Variants in STOM observed in about 807,000 individuals in gnomAD.
STOM encodes the protein erythrocyte band 7 integral membrane protein.
STOM carries 25 observed loss-of-function variants against 30.6 expected under a neutral mutation model. The ratio of observed to expected loss-of-function variants is 0.82; its 90% confidence interval spans 0.60 to 1.14. The LOEUF is 1.14. Among genes scored for constraint, STOM ranks in the 50% most tolerant of loss-of-function variants. The probability of loss-of-function intolerance (pLI) is 0.00; values close to 1 mark genes in which losing one functional copy is unlikely to be tolerated. For synonymous variants in STOM, 118 were observed against 130.8 expected (o/e 0.90, Z 0.67); for missense variants, 292 against 365.2 (o/e 0.80, Z 1.63).
chr9:121,349,195 A>C lies in STOM; in HGVS notation c.450T>G (p.Thr150=). The C allele has an allele frequency of 6.2e-7, 1 of 1,614,192 alleles. No homozygotes were observed. Residue 150 remains threonine, a synonymous_variant, in exon 5 of 7, where the codon ACT becomes ACG. Transcript: ENST00000286713. ...DSATRLLAQT[T]LRNVLGTKNL... ...TCTTGGTGCCCAGAACATTCCTCAG[A>C]GTAGTTTGTGCCAAAAGACGGGTTG...
Position 121,340,698 on chromosome 9 carries a change from C to T in STOM, c.*504G>A, listed in dbSNP as rs2064238107. On this transcript the variant is annotated 3_prime_UTR_variant, in exon 7 of 7. Coordinates refer to ENST00000286713, the MANE Select transcript of STOM (RefSeq NM_004099.6). ...CCAGGAGGCGGAGGTTGCAGTGAGC[C>T]GAGATCATGCTATTGCACTCCAGCC... 2 of 953,552 alleles carry T rather than the reference C, an allele frequency of 2.1e-6. No individual in the cohort carries two copies. Among genetic ancestry groups the T allele is most frequent in the Non-Finnish European group, 2.5e-6 (2 of 800,862 alleles). The allele number at this position is 953,552 out of a possible 1,614,324, so 59.1% of individuals were successfully genotyped here.
intron 1 of STOM, among the ~76,000 whole-genome samples, chr9:121,365,716 T>C (rs1002187621): frequency 2.0e-5 from 3 of 152,082 alleles, no homozygotes; most frequent in African/African-American, 7.2e-5. Context: ...TTCTTATCAG[T>C]AAAATGGGGA....
chr9:121,356,978 G>C (rs1283886901), intron 1 of STOM, among the ~76,000 whole-genome samples: 1 of 151,906 alleles, frequency 6.6e-6, no homozygotes, highest in African/African-American at 2.4e-5. Flanking sequence ...GGAAGAATCT[G>C]TCAAAAGAAA....
intron 5 of STOM, among the ~76,000 whole-genome samples, chr9:121,348,549 G>A (rs557978859): frequency 7.2e-5 from 11 of 152,330 alleles, no homozygotes; most frequent in Non-Finnish European, 1.5e-4. Flanking sequence ...ATGTGACTCT[G>A]TGTAAGTCAT....
At position 121,370,191 on chromosome 9, in the gene STOM, G is replaced by A. The variant is rs2064552320; in HGVS notation, c.-4C>T. ...GTGTGTGCCGCTTCTCGGCCATGCTGCCCGAGACGCAGTCGCACTCCCCCG... is the reference window on the plus strand; with the variant it reads ...GTGTGTGCCGCTTCTCGGCCATGCTACCCGAGACGCAGTCGCACTCCCCCG... On this transcript the variant is annotated 5_prime_UTR_variant, in exon 1 of 7. Transcript: ENST00000286713. 1.9e-6 allele frequency: 3 copies of A among 1,547,032 alleles called. No individual in the cohort carries two copies. Among genetic ancestry groups the A allele is most frequent in the African/African-American group, 1.4e-5 (1 of 73,006 alleles).
chr9:121,353,161 G>T, intron 4 of STOM, 59 bp downstream of exon 4: 1 of 910,810 alleles, frequency 1.1e-6, no homozygotes, highest in Non-Finnish European at 1.7e-6. Flanking sequence ...TAACTATTCT[G>T]TCCCTCATTG....
chr9:121,352,613 CACTT>C (rs1458363342), intron 4 of STOM, among the ~76,000 whole-genome samples: 25 of 152,312 alleles, frequency 1.6e-4, no homozygotes, highest in Admixed American at 1.1e-3. Flanking sequence ...ACTTATATAG[CACTT>C]ACTATTTGTC....
Position 121,347,997 on chromosome 9 carries a change from G to A in STOM, c.660+18C>T. 1 of 1,587,556 alleles carries A rather than the reference G, an allele frequency of 6.3e-7. No individual in the cohort carries two copies. The highest frequency in any genetic ancestry group is 2.2e-5 in the East Asian group (1 of 44,644). ...AGAGAAAACTCAGTAAGAAAAACAA[G>A]TTTAAAAAAAAAGTTACCTTGGCGC... On this transcript the variant is annotated intron_variant, in intron 6 of 6. Coordinates refer to ENST00000286713, the MANE Select transcript of STOM (RefSeq NM_004099.6).
At chr9:121,357,424 G>GACATATATATATATATATATATAT in intron 1 of STOM, among the ~76,000 whole-genome samples, 1 of 95,428 alleles carries the variant, frequency 1.0e-5, no homozygotes, top group Non-Finnish European at 2.3e-5. Context: ...ATTTTTAAAT[G>GACATATATATATATATATATATAT]ATATATATAT....
Position 121,339,975 on chromosome 9 carries a change from C to G in STOM, c.*1227G>C. The G allele has an allele frequency of 9.9e-7, 1 of 1,010,560 alleles. No homozygotes were observed. The highest frequency in any genetic ancestry group is 1.2e-6 in the Non-Finnish European group (1 of 847,040). The allele number at this position is 1,010,560 out of a possible 1,614,324, so 62.6% of individuals were successfully genotyped here. The stretch of plus-strand genomic sequence containing the variant: ...ATATTTCACAGTGTACCACAGTTAA[C>G]AGCATGCAGATAGTAAAATATAATG... On this transcript the variant is annotated 3_prime_UTR_variant, in exon 7 of 7. Transcript: ENST00000286713.
At chr9:121,351,752 CT>C (rs1196327523) in intron 4 of STOM, among the ~76,000 whole-genome samples, 2 of 152,202 alleles carry the variant, frequency 1.3e-5, no homozygotes, top group Non-Finnish European at 2.9e-5. Context: ...GGAGGAATTC[CT>C]TTGTTTCACT....
Position 121,339,706 on chromosome 9 carries a change from G to T in STOM, c.*1496C>A. ...GAATGCCAGGTTGCTCAGATTCACA[G>T]ACATTTGCAAAACAGAAGATGTCTC... On this transcript the variant is annotated 3_prime_UTR_variant, in exon 7 of 7. Coordinates refer to ENST00000286713, the MANE Select transcript of STOM (RefSeq NM_004099.6). 8.1e-7 allele frequency: 1 copy of T among 1,231,312 alleles called. No individual in the cohort carries two copies. Among genetic ancestry groups the T allele is most frequent in the South Asian group, 4.1e-5 (1 of 24,224 alleles). The allele number at this position is 1,231,312 out of a possible 1,614,324, so 76.3% of individuals were successfully genotyped here. A position where few individuals can be genotyped will look rare whatever the true frequency, so the allele number is the denominator to read the frequency against.
chr9:121,344,628 A>G (rs1469664368), intron 6 of STOM, among the ~76,000 whole-genome samples: 2 of 152,232 alleles, frequency 1.3e-5, no homozygotes, highest in African/African-American at 4.8e-5. Flanking sequence ...CATAGCAATC[A>G]ACATTTCATA....
intron 1 of STOM, among the ~76,000 whole-genome samples, chr9:121,358,669 T>C (rs1007706988): frequency 2.0e-5 from 3 of 152,200 alleles, no homozygotes; most frequent in Non-Finnish European, 4.4e-5. Context: ...AATTTGTAAG[T>C]GCAATTTAAA....
intron 1 of STOM, among the ~76,000 whole-genome samples, chr9:121,361,208 C>A (rs975461124): frequency 1.3e-5 from 2 of 151,984 alleles, no homozygotes; most frequent in Non-Finnish European, 2.9e-5. Flanking sequence ...ATAAATGAAC[C>A]CTTAGTCATC....
chr9:121,354,582 C>A lies in STOM; in HGVS notation c.238+19G>T. Reference sequence around the variant, plus strand: ...GAACTTTAGTTTTCAGATAAACAATCTAGAATCCCAGTACTGACCAGGTCC... The same window carrying A: ...GAACTTTAGTTTTCAGATAAACAATATAGAATCCCAGTACTGACCAGGTCC... On this transcript the variant is annotated intron_variant, in intron 3 of 6. Coordinates refer to ENST00000286713, the MANE Select transcript of STOM (RefSeq NM_004099.6). 1 of 1,562,494 alleles carries A rather than the reference C, an allele frequency of 6.4e-7. No individual in the cohort carries two copies. The highest frequency in any genetic ancestry group is 1.2e-5 in the South Asian group (1 of 83,968).
At chr9:121,353,802 A>G (rs1371730859) in intron 3 of STOM, among the ~76,000 whole-genome samples, 1 of 152,000 alleles carries the variant, frequency 6.6e-6, no homozygotes, top group Non-Finnish European at 1.5e-5. Flanking sequence ...TGCTTTGTGT[A>G]TGTTGCTATT....
At chr9:121,353,666 C>A (rs563848713) in intron 3 of STOM, among the ~76,000 whole-genome samples, 7 of 152,166 alleles carry the variant, frequency 4.6e-5, no homozygotes, top group Non-Finnish European at 1.0e-4. Context: ...AACCCTCCCC[C>A]ACGCATGGTC....
intron 1 of STOM, among the ~76,000 whole-genome samples, chr9:121,365,264 T>TA (rs1007315163): frequency 1.3e-3 from 201 of 150,500 alleles, no homozygotes; most frequent in African/African-American, 4.5e-3. Flanking sequence ...ATTTTCTTTT[T>TA]AAAAAAAAAA....
Sources: gnomAD v4.1 joint callset for allele counts (sites outside exome capture counted in the v4.1 genomes callset) on GRCh38, gnomAD v4.1.1 for gene constraint, MANE v1.5 for transcripts, NCBI Gene and HGNC (gene_info 2026-07-23, HGNC 2026-07-21) for gene names.